Variants in AKAP9 observed in about 807,000 individuals in gnomAD.
AKAP9 encodes the protein A-kinase anchor protein 9.
A neutral mutation model predicts 488.5 loss-of-function variants in AKAP9; 311 were observed. That is an observed-to-expected ratio of 0.64 (90% CI 0.58 to 0.70). The LOEUF (loss-of-function observed/expected upper bound fraction) is 0.70. AKAP9 is among the 30% of genes least tolerant of loss of function. The probability of loss-of-function intolerance (pLI) is 0.00; values close to 1 mark genes in which losing one functional copy is unlikely to be tolerated. For synonymous variants in AKAP9, 1,462 were observed against 1,483.5 expected (o/e 0.99, Z 0.33); for missense variants, 4,215 against 4,374.5 (o/e 0.96, Z 1.03).
chr7:92,038,878 T>C, intron 17 of AKAP9, 106 bp downstream of exon 17: 2 of 794,854 alleles, frequency 2.5e-6, no homozygotes, highest in Non-Finnish European at 4.0e-6. Context: ...GAGGAAAATA[T>C]CAAATTCAGT....
chr7:92,004,112 A>G (rs1291553892), intron 8 of AKAP9, among the ~76,000 whole-genome samples: 1 of 152,208 alleles, frequency 6.6e-6, no homozygotes, highest in African/African-American at 2.4e-5. Context: ...ATAATGTGAT[A>G]GGGAATGATG....
chr7:91,965,468 A>G (rs1472445877), intron 1 of AKAP9, among the ~76,000 whole-genome samples: 6 of 152,146 alleles, frequency 3.9e-5, no homozygotes, highest in African/African-American at 1.4e-4. Context: ...TATTTTAGCT[A>G]TTGTAAATAG....
At chr7:91,966,956 G>C (rs1436649571) in intron 1 of AKAP9, among the ~76,000 whole-genome samples, 1 of 152,028 alleles carries the variant, frequency 6.6e-6, no homozygotes, top group African/African-American at 2.4e-5. Context: ...CACAAACATG[G>C]ATTTCTTTCC....
intron 28 of AKAP9, among the ~76,000 whole-genome samples, chr7:92,074,753 A>G (rs1280506500): frequency 6.6e-6 from 1 of 152,224 alleles, no homozygotes; most frequent in African/African-American, 2.4e-5. Flanking sequence ...TCAGCAAACT[A>G]TCACAAGGAT....
At chr7:92,058,014 G>A in intron 22 of AKAP9, 1 of 299,436 alleles carries the variant, frequency 3.3e-6, no homozygotes, top group Non-Finnish European at 6.5e-6. Flanking sequence ...TTATTGTGCA[G>A]TTGTATGAAT....
At chr7:92,066,362 A>T in intron 25 of AKAP9, 65 bp from the exon 26 acceptor site, 1 of 1,583,646 alleles carries the variant, frequency 6.3e-7, no homozygotes, top group Non-Finnish European at 8.7e-7. Context: ...AAGGAGAAGT[A>T]AGAAATAATA....
chr7:92,000,787 G>T (rs1162642524), intron 7 of AKAP9, 61 bp from the exon 8 acceptor site: 3 of 832,678 alleles, frequency 3.6e-6, no homozygotes, highest in Non-Finnish European at 5.6e-6. Context: ...ATGAGATGAA[G>T]CAGTATAATT....
rs1213523295 is a variant in AKAP9 at position 92,100,876 on chromosome 7, T to C, written c.10917T>C (p.Asn3639=). The C allele has an allele frequency of 6.2e-7, 1 of 1,614,052 alleles. No individual in the cohort carries two copies. Among genetic ancestry groups the C allele is most frequent in the Non-Finnish European group, 8.5e-7 (1 of 1,180,020 alleles). The change falls in exon 45 of 50, where the codon AAT becomes AAC. Residue 3639 remains asparagine, a synonymous_variant. Transcript: ENST00000356239. ...TGCAGTCTTCCAGGTTTTCATTGAA[T>C]GGTGGTGCCAACATTGAAGCCATCA... The part of the protein sequence containing the change: ...GRDNSSRFSL[N]GGANIEAIIA...
At chr7:91,989,414 T>C (rs1034034787) in intron 3 of AKAP9, among the ~76,000 whole-genome samples, 5 of 152,142 alleles carry the variant, frequency 3.3e-5, no homozygotes, top group African/African-American at 9.6e-5. Flanking sequence ...TATGCAGTCA[T>C]CTTCAATCAT....
chr7:92,038,657 A>G lies in AKAP9; in HGVS notation c.4577A>G (p.Lys1526Arg), dbSNP rs1383050508. Residue 1526 changes from lysine to arginine, a missense_variant, in exon 17 of 50, where the codon AAG becomes AGG. This residue lies in a region of AKAP9 where 2,361 missense variants were observed against 2,430.0 expected (regional missense o/e 0.97). Transcript: ENST00000356239. Reference protein sequence around the residue: ...PLSKELGEHGKEILLSNSDPH... With the variant: ...PLSKELGEHGREILLSNSDPH... ...AGTAAAGAGTTAGGAGAACATGGAA[A>G]GGAAATTTTATTATCAAATAGTGAT... 5.6e-6 allele frequency: 9 copies of G among 1,610,744 alleles called. No individual in the cohort carries two copies. The highest frequency in any genetic ancestry group is 6.8e-6 in the Non-Finnish European group (8 of 1,178,534).
intron 17 of AKAP9, 62 bp downstream of exon 17, chr7:92,038,834 AAAT>A (rs1260955749): frequency 5.4e-6 from 6 of 1,112,932 alleles, no homozygotes; most frequent in Non-Finnish European, 8.0e-6. Context: ...TTCACTTTAA[AAAT>A]ATTAGCAATA....
intron 1 of AKAP9, among the ~76,000 whole-genome samples, chr7:91,963,517 CACACACACACAT>C (rs1794028275): frequency 6.7e-6 from 1 of 149,506 alleles, no homozygotes; most frequent in Non-Finnish European, 1.5e-5. Context: ...CACACACACA[CACACACACACAT>C]ATTTTTGAGA....
At position 91,992,823 on chromosome 7, in the gene AKAP9, G is replaced by C. The variant is rs1479969727; in HGVS notation, c.406-62G>C. On this transcript the variant is annotated intron_variant, in intron 4 of 49. Transcript: ENST00000356239. ...GACCTTGCTATGGATTTCAGTATTT[G>C]AATCTCTCTCCCTAAGGAATATTGC... 8 of 1,504,594 alleles carry C rather than the reference G, an allele frequency of 5.3e-6. No homozygotes were observed. The Admixed American group carries it at 1.4e-4, about 27-fold the overall frequency. 93.2% of individuals were successfully genotyped at this position (1,504,594 alleles called of 1,614,324 possible). A position where few individuals can be genotyped will look rare whatever the true frequency, so the allele number is the denominator to read the frequency against.
chr7:92,087,665 G>T (rs1293644458), intron 37 of AKAP9, among the ~76,000 whole-genome samples: 1 of 151,776 alleles, frequency 6.6e-6, no homozygotes, highest in Admixed American at 6.6e-5. Flanking sequence ...GGATGGACCA[G>T]GGAAAGTATA....
At chr7:92,095,866 C>T (rs1316372308) in intron 40 of AKAP9, among the ~76,000 whole-genome samples, 1 of 152,144 alleles carries the variant, frequency 6.6e-6, no homozygotes, top group African/African-American at 2.4e-5. Context: ...CATGATATCT[C>T]CCTAGGTACC....
chr7:92,094,000 G>A (rs1337697908), intron 39 of AKAP9, among the ~76,000 whole-genome samples: 6 of 151,630 alleles, frequency 4.0e-5, no homozygotes, highest in Non-Finnish European at 7.4e-5. Context: ...ATAGGCACCC[G>A]CCACCATGCC....
At chr7:92,103,517 C>G (rs964364994) in intron 46 of AKAP9, among the ~76,000 whole-genome samples, 12 of 151,380 alleles carry the variant, frequency 7.9e-5, no homozygotes, top group Non-Finnish European at 1.6e-4. Context: ...ATGCTGAAAC[C>G]CCATCTCTGC....
In AKAP9 at chr7:92,071,554, A is replaced by T. The variant is rs555974532; in HGVS notation, c.6612+545A>T. 8.5e-5 allele frequency among the ~76,000 whole-genome samples: 13 copies of T among 152,230 alleles called. No individual in the cohort carries two copies. In the East Asian group the frequency reaches 1.5e-3, roughly 18 times the overall value. On this transcript the variant is annotated intron_variant, in intron 28 of 49. Transcript: ENST00000356239. ...GTTTCTCTGCCCCTTCTTCCAAAAA[A>T]CTAAAAATCTACTTTCAGAACAATG...
chr7:91,996,886 CATCTT>C (rs1292666198), intron 7 of AKAP9, among the ~76,000 whole-genome samples: 1 of 152,154 alleles, frequency 6.6e-6, no homozygotes, highest in Non-Finnish European at 1.5e-5. Context: ...GTATTCAAAG[CATCTT>C]ATATTAACTC....
Sources: allele counts gnomAD v4.1 joint callset (sites outside exome capture counted in the v4.1 genomes callset), GRCh38; gene constraint gnomAD v4.1.1; regional missense constraint gnomAD v4.1.1; transcripts MANE v1.5; gene names NCBI Gene and HGNC (gene_info 2026-07-23, HGNC 2026-07-21).